The following IL1RAPL1 variants were observed in gnomAD, a reference collection of about 807,000 sequenced individuals.
IL1RAPL1 encodes interleukin 1 receptor accessory protein like 1.
IL1RAPL1 carries 3 observed loss-of-function variants against 48.4 expected under a neutral mutation model. The observed-to-expected ratio is 0.06, with a 90% CI of 0.03 to 0.16. The LOEUF (loss-of-function observed/expected upper bound fraction) is 0.16. IL1RAPL1 is among the 10% of genes least tolerant of loss of function. The pLI, the probability that IL1RAPL1 is intolerant of heterozygous loss-of-function variation, is 1.00. For missense variants in IL1RAPL1, 349 were observed against 530.6 expected, an observed-to-expected ratio of 0.66 and a Z score of 3.36; for synonymous variants, 185 against 187.7, an observed-to-expected ratio of 0.99 and a Z score of 0.12.
At chrX:29,358,791 G>A (rs1000919253) in intron 3 of IL1RAPL1, among the ~76,000 whole-genome samples, 8 of 110,781 alleles carry the variant, frequency 7.2e-5, no homozygotes, top group African/African-American at 2.6e-4. Context: ...GGCCGAGGCA[G>A]GTGGATCATT....
intron 5 of IL1RAPL1, among the ~76,000 whole-genome samples, chrX:29,515,198 C>T (rs1203332951): frequency 8.9e-6 from 1 of 112,561 alleles, no homozygotes; most frequent in Non-Finnish European, 1.9e-5. Context: ...TGTAGATTTA[C>T]ATGCAATTGC....
intron 5 of IL1RAPL1, among the ~76,000 whole-genome samples, chrX:29,429,362 T>A: frequency 8.9e-6 from 1 of 112,223 alleles, no homozygotes; most frequent in Non-Finnish European, 1.9e-5. Context: ...CAATACACAA[T>A]TGGCAACACA....
At chrX:29,855,764 A>G (rs1200225560) in intron 6 of IL1RAPL1, among the ~76,000 whole-genome samples, 1 of 110,104 alleles carries the variant, frequency 9.1e-6, no homozygotes, top group Non-Finnish European at 1.9e-5. Context: ...TAAAATGTTG[A>G]ATATTTCTAC....
At chrX:28,897,104 A>G (rs1004189462) in intron 2 of IL1RAPL1, among the ~76,000 whole-genome samples, 2 of 109,964 alleles carry the variant, frequency 1.8e-5, no homozygotes, top group Non-Finnish European at 3.8e-5. Context: ...AAGGTTGCCC[A>G]TAGTGAAGGA....
At chrX:29,649,313 C>T (rs1389935980) in intron 5 of IL1RAPL1, among the ~76,000 whole-genome samples, 1 of 111,709 alleles carries the variant, frequency 9.0e-6, no homozygotes, top group Non-Finnish European at 1.9e-5. Flanking sequence ...AACTACAGGC[C>T]AATTTCCTTG....
intron 5 of IL1RAPL1, among the ~76,000 whole-genome samples, chrX:29,635,362 A>G (rs1403908283): frequency 8.9e-6 from 1 of 112,084 alleles, no homozygotes; most frequent in Admixed American, 9.5e-5. Flanking sequence ...TATGACACAA[A>G]TCAGAGTACC....
At chrX:29,653,297 T>C (rs1283248055) in intron 5 of IL1RAPL1, among the ~76,000 whole-genome samples, 2 of 112,152 alleles carry the variant, frequency 1.8e-5, no homozygotes, top group Non-Finnish European at 3.8e-5. Context: ...CAAGCTTTAG[T>C]AATTTCTAAC....
At chrX:29,767,414 T>C (rs1928941612) in intron 6 of IL1RAPL1, among the ~76,000 whole-genome samples, 1 of 112,005 alleles carries the variant, frequency 8.9e-6, no homozygotes, top group South Asian at 3.7e-4. Flanking sequence ...GATCTTCTAG[T>C]ATGTAGAAAA....
intron 2 of IL1RAPL1, among the ~76,000 whole-genome samples, chrX:28,968,660 T>C (rs903175203): frequency 1.8e-5 from 2 of 112,702 alleles, no homozygotes. Flanking sequence ...AAATTTCAAA[T>C]ATATAATAAA....
At chrX:29,379,266 G>C (rs1034883621) in intron 3 of IL1RAPL1, among the ~76,000 whole-genome samples, 3 of 112,465 alleles carry the variant, frequency 2.7e-5, no homozygotes, top group Non-Finnish European at 5.6e-5. Context: ...GGGGGAATGG[G>C]GGGTATCCAG....
At chrX:29,762,598 A>G (rs143375588) in intron 6 of IL1RAPL1, among the ~76,000 whole-genome samples, 34 of 112,108 alleles carry the variant, frequency 3.0e-4, no homozygotes, top group African/African-American at 1.0e-3. Flanking sequence ...GTCATAGGTA[A>G]TTTAAGTTTG....
chrX:29,806,010 A>G (rs946814410), intron 6 of IL1RAPL1, among the ~76,000 whole-genome samples: 1 of 108,518 alleles, frequency 9.2e-6, no homozygotes, highest in African/African-American at 3.3e-5. Flanking sequence ...GGAGGCAGGG[A>G]GGGAGGGAGA....
chrX:29,836,988 G>A (rs1262050093), intron 6 of IL1RAPL1, among the ~76,000 whole-genome samples: 5 of 109,449 alleles, frequency 4.6e-5, no homozygotes, highest in African/African-American at 6.7e-5. Flanking sequence ...GGCCAGGTGC[G>A]GTGGCTCATG....
chrX:28,726,968 T>C (rs1370436147), intron 1 of IL1RAPL1, among the ~76,000 whole-genome samples: 1 of 112,138 alleles, frequency 8.9e-6, no homozygotes, highest in Non-Finnish European at 1.9e-5. Context: ...AGAAGACTTA[T>C]ATCCTCAGTT....
At chrX:29,446,273 G>A (rs182878129) in intron 5 of IL1RAPL1, among the ~76,000 whole-genome samples, 101 of 111,479 alleles carry the variant, frequency 9.1e-4, no homozygotes, top group Middle Eastern at 4.6e-3. Flanking sequence ...AAGCCTCCCC[G>A]GTGAGTAGGA....
At chrX:29,393,452 A>AT (rs1280064997) in intron 3 of IL1RAPL1, among the ~76,000 whole-genome samples, 1 of 111,571 alleles carries the variant, frequency 9.0e-6, no homozygotes, top group African/African-American at 3.3e-5. Flanking sequence ...ATAATGAGTG[A>AT]TTGAGCTTGA....
rs760540325 is a variant in IL1RAPL1 at position 28,734,982 on chromosome X, C to T, written c.-24-54338C>T. 5.4e-5 allele frequency among the ~76,000 whole-genome samples: 6 copies of T among 111,801 alleles called. No individual in the cohort carries two copies. In the South Asian group the frequency reaches 1.5e-3, roughly 28 times the overall value. On this transcript the variant is annotated intron_variant, in intron 1 of 10. Coordinates refer to ENST00000378993, the MANE Select transcript of IL1RAPL1 (RefSeq NM_014271.4). The stretch of plus-strand genomic sequence containing the variant: ...TTGCTAATACAACAGGCAAGCTCAA[C>T]GTGAAAATTACTTACTGTGGCATCC...
chrX:29,659,658 C>T (rs1925783042), intron 5 of IL1RAPL1, among the ~76,000 whole-genome samples: 1 of 111,580 alleles, frequency 9.0e-6, no homozygotes, highest in Non-Finnish European at 1.9e-5. Flanking sequence ...GAGTTTTGCT[C>T]TTGTTGCCCA....
chrX:29,583,245 G>T (rs1231974860), intron 5 of IL1RAPL1, among the ~76,000 whole-genome samples: 1 of 57,941 alleles, frequency 1.7e-5, no homozygotes, highest in Non-Finnish European at 3.1e-5. Context: ...AGGAAATAAA[G>T]GGTATTCAAT....
Sources: gnomAD v4.1 joint callset for allele counts (sites outside exome capture counted in the v4.1 genomes callset) on GRCh38, gnomAD v4.1.1 for gene constraint, MANE v1.5 for transcripts, NCBI Gene and HGNC (gene_info 2026-07-23, HGNC 2026-07-21) for gene names.